KLHL12: variants seen among roughly 807,000 people sequenced by gnomAD.
The protein encoded by KLHL12 is kelch-like protein 12.
Under a neutral mutation model 60.8 loss-of-function variants are expected in KLHL12, and 17 were observed. The observed-to-expected ratio is 0.28, with a 90% confidence interval of 0.19 to 0.42. The LOEUF (loss-of-function observed/expected upper bound fraction) is 0.42. Among genes scored for constraint, KLHL12 ranks in the 10% least tolerant of loss-of-function variants. The pLI, the probability that KLHL12 is intolerant of heterozygous loss-of-function variation, is 1.00. For missense variants in KLHL12, 468 were observed against 722.3 expected (o/e 0.65, Z 4.04); for synonymous variants, 220 against 250.9 (o/e 0.88, Z 1.16).
chr1:202,923,249 T>C (rs759713417), intron 2 of KLHL12, among the ~76,000 whole-genome samples: 7 of 152,196 alleles, frequency 4.6e-5, no homozygotes, highest in Non-Finnish European at 1.0e-4. Context: ...AAAAACAGGA[T>C]GCACAACATA....
intron 6 of KLHL12, among the ~76,000 whole-genome samples, chr1:202,898,593 C>T (rs568036296): frequency 6.6e-6 from 1 of 152,246 alleles, no homozygotes; most frequent in Admixed American, 6.5e-5. Flanking sequence ...CTAATCCAAC[C>T]ACTAGTTTAC....
chr1:202,919,972 AT>A, intron 2 of KLHL12, 64 bp from the exon 3 acceptor site: 1 of 1,339,626 alleles, frequency 7.5e-7, no homozygotes, highest in South Asian at 1.2e-5. Flanking sequence ...GCAGAATCTC[AT>A]ATCTAAGAGC....
chr1:202,919,328 T>A (rs6662398), intron 3 of KLHL12, among the ~76,000 whole-genome samples: 1 of 151,964 alleles, frequency 6.6e-6, no homozygotes, highest in Non-Finnish European at 1.5e-5. Context: ...ATATCATACT[T>A]TAATATTTTG....
At chr1:202,918,965 T>C (rs1029089444) in intron 3 of KLHL12, among the ~76,000 whole-genome samples, 2 of 152,158 alleles carry the variant, frequency 1.3e-5, no homozygotes, top group East Asian at 3.8e-4. Context: ...AAAGAAAAAC[T>C]GGGGACCAGG....
chr1:202,927,626 G>C (rs1243104577), upstream of KLHL12, among the ~76,000 whole-genome samples: 3 of 139,800 alleles, frequency 2.1e-5, no homozygotes, highest in East Asian at 2.1e-4. Context: ...GTTGCAGTGA[G>C]CCAGGATCGC....
chr1:202,921,428 G>C (rs1018514073), intron 2 of KLHL12, among the ~76,000 whole-genome samples: 1 of 152,126 alleles, frequency 6.6e-6, no homozygotes, highest in African/African-American at 2.4e-5. Flanking sequence ...GCCCACCTCA[G>C]CCTCTCAAAA....
In KLHL12 at chr1:202,892,806, C is replaced by A. The variant is rs561939116; in HGVS notation, c.1581-147G>T. 87 of 694,978 alleles carry A rather than the reference C, an allele frequency of 1.3e-4. 4 individuals carry two copies. The South Asian group carries it at 1.7e-3, about 14-fold the overall frequency. The allele number at this position is 694,978 out of a possible 1,614,324, so 43.1% of individuals were successfully genotyped here. On this transcript the variant is annotated intron_variant, in intron 11 of 11. Coordinates refer to ENST00000367261, the MANE Select transcript of KLHL12 (RefSeq NM_021633.4). ...GACCAGCCTGGGCAACATGGTGAGA[C>A]CCTGTCTCAATAAAATTTAAAGAAA...
At chr1:202,923,063 A>T (rs1660746598) in intron 2 of KLHL12, among the ~76,000 whole-genome samples, 1 of 152,254 alleles carries the variant, frequency 6.6e-6, no homozygotes, top group South Asian at 2.1e-4. Flanking sequence ...AACTAAGCCT[A>T]GAATCCAGGT....
At chr1:202,915,784 G>A (rs1339591473) in intron 4 of KLHL12, among the ~76,000 whole-genome samples, 3 of 152,210 alleles carry the variant, frequency 2.0e-5, no homozygotes, top group African/African-American at 4.8e-5. Context: ...TGTGAAAAAT[G>A]AAGATGTGAG....
intron 4 of KLHL12, among the ~76,000 whole-genome samples, chr1:202,914,318 G>T (rs1162057798): frequency 1.3e-5 from 2 of 152,216 alleles, no homozygotes; most frequent in African/African-American, 4.8e-5. Context: ...GTGCTTACTG[G>T]ACTATAGTTG....
intron 2 of KLHL12, among the ~76,000 whole-genome samples, chr1:202,924,235 TTTG>T (rs200592020): frequency 0.011 from 1,663 of 152,340 alleles, 31 homozygotes; most frequent in African/African-American, 0.038. Flanking sequence ...CCTAATTCCC[TTTG>T]TTAAGTGCTT....
chr1:202,927,189 C>G lies in KLHL12; in HGVS notation c.-146G>C. 1.0e-6 allele frequency: 1 copy of G among 985,222 alleles called. No homozygotes were observed. The highest frequency in any genetic ancestry group is 1.2e-6 in the Non-Finnish European group (1 of 829,890). The allele number at this position is 985,222 out of a possible 1,614,324, so 61.0% of individuals were successfully genotyped here. ...AGGCGGCTCGGGAGGAGCCGAAGCG[C>G]CGCCCAGACCCGGAGGCTCTGGAGG... On this transcript the variant is annotated 5_prime_UTR_variant, in exon 1 of 12. Coordinates refer to ENST00000367261, the MANE Select transcript of KLHL12 (RefSeq NM_021633.4).
chr1:202,892,941 CTGAGGTGGAAGGAT>C (rs1306418591), intron 11 of KLHL12, among the ~76,000 whole-genome samples: 2 of 152,104 alleles, frequency 1.3e-5, no homozygotes, highest in Non-Finnish European at 2.9e-5. Context: ...CTTTGGGAGA[CTGAGGTGGAAGGAT>C]TGCTTGAGCC....
At chr1:202,907,891 T>C (rs1311627763) in intron 6 of KLHL12, among the ~76,000 whole-genome samples, 2 of 151,820 alleles carry the variant, frequency 1.3e-5, no homozygotes, top group South Asian at 2.1e-4. Context: ...CTGGGCAACA[T>C]AGTGAGACCT....
intron 6 of KLHL12, among the ~76,000 whole-genome samples, chr1:202,901,730 G>A (rs993263022): frequency 1.3e-5 from 2 of 152,156 alleles, no homozygotes; most frequent in Non-Finnish European, 2.9e-5. Context: ...GTCTACCAAA[G>A]TGAGTTTAAG....
rs1159834277 is a variant in KLHL12, at chr1:202,912,879, T to C, written c.568-1676A>G. ...CATGTTTTAGACAAATACTCATGTG[T>C]ATGGGCAAAAAACTCGAGGACTGTA... On this transcript the variant is annotated intron_variant, in intron 4 of 11. Transcript: ENST00000367261. 3 of 670,340 alleles carry C rather than the reference T, an allele frequency of 4.5e-6. No homozygotes were observed. The African/African-American group carries it at 5.3e-5, about 12-fold the overall frequency. 41.5% of individuals were successfully genotyped at this position (670,340 alleles called of 1,614,324 possible).
chr1:202,927,674 T>TAAAAAA (rs748842460), upstream of KLHL12, among the ~76,000 whole-genome samples: 19 of 75,412 alleles, frequency 2.5e-4, no homozygotes, highest in African/African-American at 1.1e-3. Context: ...TGAGACCCTG[T>TAAAAAA]AAAAAAAAAA....
upstream of KLHL12, chr1:202,928,412 G>C: frequency 1.1e-6 from 1 of 947,248 alleles, no homozygotes; most frequent in South Asian, 1.4e-5. Context: ...CCGCTCACTA[G>C]GCAGGGCAGG....
At chr1:202,916,849 G>A (rs1660536571) in intron 4 of KLHL12, among the ~76,000 whole-genome samples, 2 of 151,784 alleles carry the variant, frequency 1.3e-5, no homozygotes, top group African/African-American at 2.4e-5. Flanking sequence ...GTGTGGTGAT[G>A]TGCAGTTCCA....
Sources: allele counts gnomAD v4.1 joint callset (sites outside exome capture counted in the v4.1 genomes callset), GRCh38; gene constraint gnomAD v4.1.1; transcripts MANE v1.5; gene names NCBI Gene and HGNC (gene_info 2026-07-23, HGNC 2026-07-21).